The following TMCC1 variants were observed in gnomAD, a reference collection of about 807,000 sequenced individuals.
TMCC1 encodes transmembrane and coiled-coil domain family 1.
Under a neutral mutation model 52.4 loss-of-function variants are expected in TMCC1, and 15 were observed. The observed-to-expected ratio is 0.29, with a 90% CI of 0.19 to 0.44. TMCC1 has a LOEUF of 0.44. TMCC1 is among the 20% of genes least tolerant of loss of function. The pLI, the probability that TMCC1 is intolerant of heterozygous loss-of-function variation, is 1.00. For missense variants in TMCC1, 503 were observed against 806.0 expected, an observed-to-expected ratio of 0.62 and a Z score of 4.55; for synonymous variants, 279 against 301.9, an observed-to-expected ratio of 0.92 and a Z score of 0.79.
chr3:129,870,759 CA>C (rs61673201), intron 2 of TMCC1, among the ~76,000 whole-genome samples: 756 of 10,534 alleles, frequency 0.072, 5 homozygotes, highest in East Asian at 0.14. Flanking sequence ...GACTCCATCT[CA>C]AAAAAAAAAA....
intron 4 of TMCC1, among the ~76,000 whole-genome samples, chr3:129,806,057 T>C (rs926836414): frequency 1.3e-5 from 2 of 152,260 alleles, no homozygotes; most frequent in African/African-American, 2.4e-5. Context: ...TTTCTTTTAA[T>C]TGGCCTACAG....
chr3:129,669,517 C>T (rs949839384), intron 5 of TMCC1, among the ~76,000 whole-genome samples: 1 of 149,420 alleles, frequency 6.7e-6, no homozygotes, highest in African/African-American at 2.5e-5. Context: ...TCACCGCAAC[C>T]TCCACCTCCT....
intron 4 of TMCC1, among the ~76,000 whole-genome samples, chr3:129,739,637 TTATTACCAAA>T (rs1576642143): frequency 6.6e-6 from 1 of 152,180 alleles, no homozygotes; most frequent in Admixed American, 6.5e-5. Flanking sequence ...CCTTAGCATA[TTATTACCAAA>T]TATTAAGTAT....
At chr3:129,779,565 A>G (rs2055343583) in intron 4 of TMCC1, among the ~76,000 whole-genome samples, 1 of 152,200 alleles carries the variant, frequency 6.6e-6, no homozygotes, top group South Asian at 2.1e-4. Flanking sequence ...TATATAATTA[A>G]AAGTTGTTTT....
intron 4 of TMCC1, among the ~76,000 whole-genome samples, chr3:129,756,049 G>A (rs1220803475): frequency 6.9e-6 from 1 of 144,296 alleles, no homozygotes; most frequent in Middle Eastern, 3.8e-3. Context: ...AGTGAGCCCA[G>A]ATCATGCCAC....
chr3:129,735,645 C>CT (rs1249538471), intron 4 of TMCC1, among the ~76,000 whole-genome samples: 10 of 16,952 alleles, frequency 5.9e-4, no homozygotes, highest in Admixed American at 5.8e-3. Context: ...CCAAGACTCT[C>CT]TTAAAAAAAA....
intron 2 of TMCC1, among the ~76,000 whole-genome samples, chr3:129,863,272 T>C (rs1359958413): frequency 1.3e-5 from 2 of 152,218 alleles, no homozygotes; most frequent in East Asian, 3.8e-4. Context: ...TTTTAAATAA[T>C]GAATTTTTTA....
chr3:129,797,512 C>A (rs113969602), intron 4 of TMCC1, among the ~76,000 whole-genome samples: 1 of 152,114 alleles, frequency 6.6e-6, no homozygotes, highest in Non-Finnish European at 1.5e-5. Context: ...GAGGCCAAGG[C>A]AGGCAGATTG....
At chr3:129,781,234 C>T (rs750441731) in intron 4 of TMCC1, among the ~76,000 whole-genome samples, 3 of 152,112 alleles carry the variant, frequency 2.0e-5, no homozygotes, top group African/African-American at 4.8e-5. Flanking sequence ...TTTTCTTTGC[C>T]GACAAATACT....
intron 4 of TMCC1, among the ~76,000 whole-genome samples, chr3:129,698,759 T>C (rs1178946574): frequency 6.6e-6 from 1 of 152,148 alleles, no homozygotes; most frequent in East Asian, 1.9e-4. Context: ...AAAATATTTT[T>C]ACGTTTTTAA....
intron 5 of TMCC1, among the ~76,000 whole-genome samples, chr3:129,660,519 G>T (rs770417233): frequency 3.3e-5 from 5 of 152,026 alleles, no homozygotes; most frequent in Non-Finnish European, 5.9e-5. Context: ...ACTGTTTTCA[G>T]TATATTTATG....
In TMCC1 at chr3:129,794,743, C is replaced by G. The variant is rs2056706170; in HGVS notation, c.576+33060G>C. Among the ~76,000 whole-genome samples, 3 of 152,102 alleles carry G rather than the reference C, an allele frequency of 2.0e-5. No individual in the cohort carries two copies. The South Asian group carries it at 6.2e-4, about 32-fold the overall frequency. On this transcript the variant is annotated intron_variant, in intron 4 of 6. Transcript: ENST00000393238. Reference sequence around the variant, plus strand: ...GAGGACAGACCTGATGTTCCGGTCTCTGTGGGAGGAGGAGTGGTGTGCTGG... The same window carrying G: ...GAGGACAGACCTGATGTTCCGGTCTGTGTGGGAGGAGGAGTGGTGTGCTGG...
At chr3:129,669,993 A>G (rs563669508) in intron 5 of TMCC1, among the ~76,000 whole-genome samples, 1 of 151,698 alleles carries the variant, frequency 6.6e-6, no homozygotes, top group East Asian at 2.0e-4. Flanking sequence ...TGCTTGGGTG[A>G]TATCTTTGAT....
chr3:129,826,579 T>G (rs1412585416), intron 4 of TMCC1, among the ~76,000 whole-genome samples: 1 of 152,136 alleles, frequency 6.6e-6, no homozygotes, highest in African/African-American at 2.4e-5. Flanking sequence ...GAATTTTAAT[T>G]CACATCATTA....
At chr3:129,784,565 CAA>C (rs1197513016) in intron 4 of TMCC1, among the ~76,000 whole-genome samples, 2 of 67,012 alleles carry the variant, frequency 3.0e-5, no homozygotes, top group African/African-American at 1.1e-4. Flanking sequence ...GACTCCGTCT[CAA>C]AAAAAAAAAA....
chr3:129,716,837 T>C (rs768631097), intron 4 of TMCC1, among the ~76,000 whole-genome samples: 4 of 152,154 alleles, frequency 2.6e-5, no homozygotes, highest in Non-Finnish European at 5.9e-5. Flanking sequence ...GAGGCCTGTA[T>C]TTCTTCCCCA....
intron 4 of TMCC1, among the ~76,000 whole-genome samples, chr3:129,721,832 C>A (rs969859882): frequency 2.0e-5 from 3 of 151,900 alleles, no homozygotes; most frequent in African/African-American, 7.3e-5. Context: ...GCCGAGATGG[C>A]GCCACTGCAC....
intron 4 of TMCC1, chr3:129,819,108 A>G (rs1409082714): frequency 1.3e-5 from 2 of 152,196 alleles, no homozygotes; most frequent in African/African-American, 2.4e-5. Context: ...TTTGAGACGG[A>G]GTCTCACTCT....
rs1207378957 is a variant in TMCC1 at position 129,705,867 on chromosome 3, C to T, written c.577-34603G>A. On this transcript the variant is annotated intron_variant, in intron 4 of 6. Coordinates refer to ENST00000393238, the MANE Select transcript of TMCC1 (RefSeq NM_001017395.5). ...TCAGCCTCCCAAAGTGCTGGGATTA[C>T]AGGTGTGAGCCACCGCGCCCGGCCT... Among the ~76,000 whole-genome samples, 5 of 148,268 alleles carry T rather than the reference C, an allele frequency of 3.4e-5. No individual in the cohort carries two copies. The East Asian group carries it at 1.0e-3, about 30-fold the overall frequency.
Sources: gnomAD v4.1 joint callset for allele counts (sites outside exome capture counted in the v4.1 genomes callset) on GRCh38, gnomAD v4.1.1 for gene constraint, MANE v1.5 for transcripts, NCBI Gene and HGNC (gene_info 2026-07-23, HGNC 2026-07-21) for gene names.